The following DNAH1 variants were observed in gnomAD, a reference collection of about 807,000 sequenced individuals.
The protein encoded by DNAH1 is axonemal beta dynein heavy chain 1.
DNAH1 carries 327 observed loss-of-function variants against 484.3 expected under a neutral mutation model. The observed-to-expected ratio is 0.68, with a 90% CI of 0.62 to 0.74. The LOEUF is 0.74. DNAH1 is among the 30% of genes least tolerant of loss of function. The pLI, the probability that DNAH1 is intolerant of heterozygous loss-of-function variation, is 0.00. For missense variants in DNAH1, 5,052 were observed against 5,546.8 expected (o/e 0.91, Z 2.83); for synonymous variants, 2,192 against 2,191.9 (o/e 1.00, Z 0.00).
At position 52,393,034 on chromosome 3, in the gene DNAH1, G is replaced by A. The variant is rs375518104; in HGVS notation, c.10474+9G>A. 7.4e-6 allele frequency: 12 copies of A among 1,611,594 alleles called. No homozygotes were observed. Among genetic ancestry groups the A allele is most frequent in the East Asian group, 2.2e-5 (1 of 44,798 alleles). On this transcript the variant is annotated intron_variant, in intron 65 of 77. Coordinates refer to ENST00000420323, the MANE Select transcript of DNAH1 (RefSeq NM_015512.5). ...CAACTCAGAGAGAGCAGGTAGCACC[G>A]GCATGCCAGGCTCCTACCCTGCACA...
chr3:52,318,184 T>C (rs2153222317), intron 1 of DNAH1, among the ~76,000 whole-genome samples: 1 of 152,318 alleles, frequency 6.6e-6, no homozygotes, highest in Middle Eastern at 3.4e-3. Context: ...CCTGAATAGC[T>C]GGGATTATAC....
intron 59 of DNAH1, 52 bp downstream of exon 59, chr3:52,388,989 C>A: frequency 6.5e-7 from 1 of 1,526,832 alleles, no homozygotes; most frequent in East Asian, 2.3e-5. Flanking sequence ...CCAAAGAGAC[C>A]CTTCCCCCTT....
rs751945958 is a variant in DNAH1, at chr3:52,331,323, C to G, written c.1033+14C>G. ...TCACCACTGAAGGTATGAGGTCCTG[C>G]CGCTGCCCCAGGCAGAACCCCAGCT... On this transcript the variant is annotated intron_variant, in intron 7 of 77. Transcript: ENST00000420323. The G allele has an allele frequency of 5.0e-6, 8 of 1,595,934 alleles. No individual in the cohort carries two copies. Among genetic ancestry groups the G allele is most frequent in the Non-Finnish European group, 6.8e-6 (8 of 1,171,770 alleles).
In DNAH1 at chr3:52,379,246, G is replaced by T. The variant is rs1703735650; in HGVS notation, c.7377+466G>T. ...GTGTAATGAGCCGTGTGGGTGGGCG[G>T]GGGACAGACCTGCACTTTGGAATGG... On this transcript the variant is annotated intron_variant, in intron 47 of 77. Coordinates refer to ENST00000420323, the MANE Select transcript of DNAH1 (RefSeq NM_015512.5). This position sits in a 1 kb window ranked among gnomAD's most constrained non-coding sequence, Gnocchi z 4.4. 6.6e-6 allele frequency among the ~76,000 whole-genome samples: 1 copy of T among 152,142 alleles called. No individual in the cohort carries two copies. The highest frequency in any genetic ancestry group is 1.5e-5 in the Non-Finnish European group (1 of 68,026).
Position 52,384,835 on chromosome 3 carries a change from A to C in DNAH1, c.8372A>C (p.Glu2791Ala). ...IHQSVSKKCI[E>A]YLAELTRHNY... ...CAGTCGGTGTCCAAGAAGTGCATCG[A>C]GTACCTGGCAGAGCTGACCCGCCAC... The change falls in exon 53 of 78, where the codon GAG (glutamate) becomes GCG (alanine). Residue 2791 changes from glutamate (E) to alanine (A), a missense_variant. Coordinates refer to ENST00000420323, the MANE Select transcript of DNAH1 (RefSeq NM_015512.5). The C allele has an allele frequency of 6.2e-7, 1 of 1,604,494 alleles. No homozygotes were observed. Among genetic ancestry groups the C allele is most frequent in the Non-Finnish European group, 8.5e-7 (1 of 1,175,378 alleles).
intron 6 of DNAH1, among the ~76,000 whole-genome samples, chr3:52,329,236 G>A (rs1476391556): frequency 1.3e-5 from 2 of 152,184 alleles, no homozygotes; most frequent in Non-Finnish European, 2.9e-5. Flanking sequence ...CTGGGGTGGT[G>A]GCCCAGGTGG....
rs530691167 is a variant in DNAH1, at chr3:52,391,556, C to T, written c.10005C>T (p.Pro3335=). The T allele has an allele frequency of 1.9e-5, 31 of 1,613,886 alleles. No individual in the cohort carries two copies. The highest frequency in any genetic ancestry group is 6.6e-5 in the South Asian group (6 of 91,076). ...TTKLPNPHYT[P]EISTKLTLIN... ...AGCTGCCCAACCCACACTACACGCC[C>T]GAGATCTCCACCAAACTCACCCTCA... The change falls in exon 63 of 78, where the codon CCC becomes CCT. Residue 3335 remains proline, a synonymous_variant. Transcript: ENST00000420323.
chr3:52,370,049 T>C (rs764931557), intron 38 of DNAH1, 30 bp downstream of exon 38: 1 of 1,613,484 alleles, frequency 6.2e-7, no homozygotes, highest in Middle Eastern at 1.7e-4. Flanking sequence ...TGTCTGACCC[T>C]GGCAGGGCAG....
At position 52,353,466 on chromosome 3, in the gene DNAH1, G is replaced by A. The variant is rs1702481447; in HGVS notation, c.3313G>A (p.Gly1105Ser). The change falls in exon 20 of 78, where the codon GGC becomes AGC. Residue 1105 changes from glycine to serine, a missense_variant. Transcript: ENST00000420323. The surrounding 1 kb of genome is among the most constrained non-coding windows in gnomAD (Gnocchi z 5.0). Reference sequence around the variant, plus strand: ...ACTGATCCAGGGGCTGCGCAACCCTGGCATGCGGATCCGGCACTGGGAGAC... The same window carrying A: ...ACTGATCCAGGGGCTGCGCAACCCTAGCATGCGGATCCGGCACTGGGAGAC... ...IPLIQGLRNPGMRIRHWETLS... is the reference protein window; with the variant it reads ...IPLIQGLRNPSMRIRHWETLS... 1.2e-6 allele frequency: 2 copies of A among 1,613,810 alleles called. No homozygotes were observed. The highest frequency in any genetic ancestry group is 1.7e-5 in the Admixed American group (1 of 60,012).
chr3:52,332,307 C>T lies in DNAH1; in HGVS notation c.1199C>T (p.Ser400Phe). 6.2e-7 allele frequency: 1 copy of T among 1,614,078 alleles called. No homozygotes were observed. Among genetic ancestry groups the T allele is most frequent in the Admixed American group, 1.7e-5 (1 of 60,034 alleles). ...AACTTGTATGTGGACTGCATGCCCT[C>T]TGACGGCCAGCATGTCATCAGTGAA... ...LYNLYVDCMP[S>F]DGQHVISEQS... Residue 400 changes from serine to phenylalanine, a missense_variant, in exon 8 of 78, where the codon TCT (serine) becomes TTT (phenylalanine). Coordinates refer to ENST00000420323, the MANE Select transcript of DNAH1 (RefSeq NM_015512.5).
rs1703355157 is a variant in DNAH1 at position 52,371,893 on chromosome 3, G to T, written c.6526-53G>T. ...CACTTGGCCATGGGGCCGCAGCCAG[G>T]AGTGGGGCAGGGAGGGGTTCCAGGC... On this transcript the variant is annotated intron_variant, in intron 41 of 77. Coordinates refer to ENST00000420323, the MANE Select transcript of DNAH1 (RefSeq NM_015512.5). 3 of 1,596,408 alleles carry T rather than the reference G, an allele frequency of 1.9e-6. No homozygotes were observed. The South Asian group carries it at 3.4e-5, about 18-fold the overall frequency.
Position 52,346,486 on chromosome 3 carries a change from C to T in DNAH1, c.1671C>T (p.Leu557=), listed in dbSNP as rs1452587429. The change falls in exon 11 of 78, where the codon CTC becomes CTT. Residue 557 remains leucine, a synonymous_variant. Coordinates refer to ENST00000420323, the MANE Select transcript of DNAH1 (RefSeq NM_015512.5). ...GGCCACTCTAGGTGCAGATGTTCCT[C>T]AAGGACAGCTGGATCAGCTCGCTAA... The part of the protein sequence containing the change: ...SQTFSQVQMF[L]KDSWISSLKV... 7 of 1,610,864 alleles carry T rather than the reference C, an allele frequency of 4.3e-6. No homozygotes were observed. The highest frequency in any genetic ancestry group is 1.7e-5 in the Admixed American group (1 of 59,726).
chr3:52,328,747 C>T (rs577235789), intron 6 of DNAH1, among the ~76,000 whole-genome samples: 3 of 152,370 alleles, frequency 2.0e-5, no homozygotes, highest in Admixed American at 6.5e-5. Flanking sequence ...GCTGACATCT[C>T]GGCCTGCACG....
chr3:52,332,497 A>G, intron 8 of DNAH1, 103 bp downstream of exon 8: 4 of 1,504,832 alleles, frequency 2.7e-6, no homozygotes, highest in Non-Finnish European at 3.6e-6. Flanking sequence ...CTCAGGGCTC[A>G]TCTGTTTGAG....
At chr3:52,367,597 G>A (rs1232177191) in intron 36 of DNAH1, among the ~76,000 whole-genome samples, 2 of 150,024 alleles carry the variant, frequency 1.3e-5, no homozygotes, top group East Asian at 1.9e-4. Flanking sequence ...TTTTTGAGAC[G>A]AAGTTTCGCT....
Position 52,386,201 on chromosome 3 carries a change from G to A in DNAH1, c.8667G>A (p.Gln2889=), listed in dbSNP as rs1352350289. The A allele has an allele frequency of 2.5e-6, 4 of 1,613,758 alleles. No individual in the cohort carries two copies. Among genetic ancestry groups the A allele is most frequent in the Non-Finnish European group, 3.4e-6 (4 of 1,179,864 alleles). The change falls in exon 55 of 78, where the codon CAG becomes CAA. Residue 2889 remains glutamine, a synonymous_variant. Transcript: ENST00000420323. ...CCGAGGAGACCCGGAATTCAGTGCA[G>A]ACAGAGGAGATCAAAGCCAATGAGA... is the stretch of plus-strand genomic sequence containing the variant. ...AIAEETRNSV[Q]TEEIKANEKA...
chr3:52,364,759 C>A lies in DNAH1; in HGVS notation c.5331+35C>A. 6.2e-7 allele frequency: 1 copy of A among 1,607,546 alleles called. No individual in the cohort carries two copies. The highest frequency in any genetic ancestry group is 8.5e-7 in the Non-Finnish European group (1 of 1,175,986). On this transcript the variant is annotated intron_variant, in intron 33 of 77. Coordinates refer to ENST00000420323, the MANE Select transcript of DNAH1 (RefSeq NM_015512.5). The surrounding 1 kb of genome is among the most constrained non-coding windows in gnomAD (Gnocchi z 4.2). ...ACCCAGCAGGGCTCCAGGAGTGGAA[C>A]TCTGGGAGGGCTCCTGGGCAGCTGG...
chr3:52,399,870 G>C, intron 77 of DNAH1, 91 bp downstream of exon 77: 1 of 1,326,036 alleles, frequency 7.5e-7, no homozygotes, highest in Non-Finnish European at 1.0e-6. Flanking sequence ...CAGGTTAGCT[G>C]AACAAGGAAG....
At chr3:52,339,030 T>A (rs1701834289) in intron 8 of DNAH1, among the ~76,000 whole-genome samples, 1 of 151,610 alleles carries the variant, frequency 6.6e-6, no homozygotes, top group Admixed American at 6.6e-5. Context: ...CCAGACTCCG[T>A]CTAAAAAAAA....
Sources: allele counts gnomAD v4.1 joint callset (sites outside exome capture counted in the v4.1 genomes callset), GRCh38; gene constraint gnomAD v4.1.1; non-coding constraint Gnocchi (gnomAD v3.1); transcripts MANE v1.5; gene names NCBI Gene and HGNC (gene_info 2026-07-23, HGNC 2026-07-21).